BTBD9: variants seen among roughly 807,000 people sequenced by gnomAD.
BTBD9 encodes BTB domain containing 9.
A neutral mutation model predicts 64.3 loss-of-function variants in BTBD9; 49 were observed. The observed-to-expected ratio is 0.76, with a 90% CI of 0.61 to 0.97. The LOEUF is 0.97. Ranked by LOEUF, BTBD9 falls within the 50% of genes least tolerant of loss-of-function variation. BTBD9 has a pLI of 0.00. For synonymous variants in BTBD9, 260 were observed against 274.7 expected, an observed-to-expected ratio of 0.95 and a Z score of 0.53; for missense variants, 598 against 762.1, an observed-to-expected ratio of 0.78 and a Z score of 2.53.
intron 6 of BTBD9, among the ~76,000 whole-genome samples, chr6:38,450,146 T>G (rs78156361): frequency 0.063 from 9,582 of 152,168 alleles, 581 homozygotes; most frequent in African/African-American, 0.15. Flanking sequence ...TTAAGTTAAA[T>G]GAAATAAGCC....
intron 7 of BTBD9, among the ~76,000 whole-genome samples, chr6:38,343,150 C>T (rs2127588976): frequency 1.3e-5 from 2 of 152,300 alleles, no homozygotes; most frequent in East Asian, 3.9e-4. Flanking sequence ...GAGTGTTTAA[C>T]CAGACACCAA....
chr6:38,518,394 G>T (rs1292344705), intron 6 of BTBD9, among the ~76,000 whole-genome samples: 1 of 152,180 alleles, frequency 6.6e-6, no homozygotes, highest in African/African-American at 2.4e-5. Context: ...ACTGATATGC[G>T]AGTGATAATT....
At chr6:38,393,955 C>T (rs867236291) in intron 6 of BTBD9, among the ~76,000 whole-genome samples, 1 of 152,072 alleles carries the variant, frequency 6.6e-6, no homozygotes, top group African/African-American at 2.4e-5. Flanking sequence ...GATACAAAAA[C>T]GAAAAGATGA....
intron 6 of BTBD9, among the ~76,000 whole-genome samples, chr6:38,557,693 A>G (rs567252553): frequency 1.3e-5 from 2 of 151,832 alleles, no homozygotes; most frequent in Admixed American, 1.3e-4. Context: ...ACTCTGTCAG[A>G]ATCCCTTGAT....
At position 38,176,491 on chromosome 6, in the gene BTBD9, G is replaced by A. The variant is rs182707556; in HGVS notation, c.1642-1309C>T. Among the ~76,000 whole-genome samples the A allele has an allele frequency of 2.6e-5, 4 of 152,294 alleles. No individual in the cohort carries two copies. In the East Asian group the frequency reaches 7.7e-4, roughly 29 times the overall value. On this transcript the variant is annotated intron_variant, in intron 10 of 10. Transcript: ENST00000481247. ...CTCTCCTTATAGGGCAGGGGCTCAGGCACGGTCCTCGCCTCCTGCAGACCC... is the reference window on the plus strand; with the variant it reads ...CTCTCCTTATAGGGCAGGGGCTCAGACACGGTCCTCGCCTCCTGCAGACCC...
intron 1 of BTBD9, among the ~76,000 whole-genome samples, chr6:38,621,335 G>A (rs528200355): frequency 6.6e-6 from 1 of 152,322 alleles, no homozygotes; most frequent in South Asian, 2.1e-4. Flanking sequence ...CCAGAGGATG[G>A]GGAACCAATC....
chr6:38,472,228 C>T (rs1770681424), intron 6 of BTBD9, among the ~76,000 whole-genome samples: 1 of 152,124 alleles, frequency 6.6e-6, no homozygotes, highest in African/African-American at 2.4e-5. Context: ...ACACTGTTTA[C>T]ATACAGTGCA....
intron 9 of BTBD9, among the ~76,000 whole-genome samples, chr6:38,197,121 A>G (rs1043298453): frequency 6.6e-6 from 1 of 152,198 alleles, no homozygotes; most frequent in African/African-American, 2.4e-5. Flanking sequence ...TTGTCATCCT[A>G]AAAGACTTCC....
chr6:38,309,394 CAAAA>C (rs1214612196), intron 7 of BTBD9, among the ~76,000 whole-genome samples: 3 of 150,518 alleles, frequency 2.0e-5, no homozygotes, highest in East Asian at 2.0e-4. Flanking sequence ...AACAAACAAA[CAAAA>C]AAACCACGAA....
At chr6:38,222,257 G>GTTT (rs1156925177) in intron 9 of BTBD9, among the ~76,000 whole-genome samples, 154 of 114,336 alleles carry the variant, frequency 1.3e-3, no homozygotes, top group Non-Finnish European at 2.0e-3. Flanking sequence ...TCATTCAGTT[G>GTTT]TTTTTTTTTT....
intron 9 of BTBD9, among the ~76,000 whole-genome samples, chr6:38,212,654 G>T (rs1020173726): frequency 6.6e-6 from 1 of 152,174 alleles, no homozygotes; most frequent in Non-Finnish European, 1.5e-5. Context: ...GTGAGGGGAG[G>T]GAGAAAATTC....
intron 4 of BTBD9, among the ~76,000 whole-genome samples, chr6:38,591,881 G>A (rs1056007360): frequency 1.3e-5 from 2 of 152,166 alleles, no homozygotes; most frequent in Admixed American, 6.5e-5. Flanking sequence ...TATTATTATT[G>A]TTATTTAGAA....
chr6:38,233,854 A>G (rs1763691834), intron 9 of BTBD9, among the ~76,000 whole-genome samples: 1 of 152,242 alleles, frequency 6.6e-6, no homozygotes, highest in Non-Finnish European at 1.5e-5. Flanking sequence ...GTTTCTTCCA[A>G]ATGAAATCAC....
intron 6 of BTBD9, among the ~76,000 whole-genome samples, chr6:38,471,264 C>T (rs1038574013): frequency 6.6e-6 from 1 of 152,218 alleles, no homozygotes; most frequent in East Asian, 1.9e-4. Flanking sequence ...ATTTTTAAGG[C>T]ACAATAATCA....
intron 4 of BTBD9, chr6:38,588,332 C>T: frequency 1.1e-6 from 1 of 948,302 alleles, no homozygotes; most frequent in Admixed American, 1.7e-5. Context: ...ACTACCCAAA[C>T]TTTTCAGCCT....
At chr6:38,634,526 T>TGG (rs1194324910) in intron 1 of BTBD9, among the ~76,000 whole-genome samples, 1 of 152,052 alleles carries the variant, frequency 6.6e-6, no homozygotes, top group Non-Finnish European at 1.5e-5. Context: ...ACTGGAATCC[T>TGG]GGCACATATT....
At chr6:38,366,785 A>G (rs1432640544) in intron 6 of BTBD9, among the ~76,000 whole-genome samples, 1 of 152,204 alleles carries the variant, frequency 6.6e-6, no homozygotes, top group Non-Finnish European at 1.5e-5. Context: ...TTTCAGCTTT[A>G]TGGCCATTCA....
intron 9 of BTBD9, among the ~76,000 whole-genome samples, chr6:38,213,524 C>T (rs1013160055): frequency 1.3e-5 from 2 of 152,136 alleles, no homozygotes; most frequent in African/African-American, 4.8e-5. Context: ...GAGGCAGGCC[C>T]CATAAAGGCC....
intron 6 of BTBD9, among the ~76,000 whole-genome samples, chr6:38,506,583 T>C (rs977665041): frequency 2.0e-5 from 3 of 152,198 alleles, no homozygotes; most frequent in Non-Finnish European, 2.9e-5. Flanking sequence ...TTTCACATCA[T>C]TGTAACACCA....
Sources: gnomAD v4.1 joint callset for allele counts (sites outside exome capture counted in the v4.1 genomes callset) on GRCh38, gnomAD v4.1.1 for gene constraint, MANE v1.5 for transcripts, NCBI Gene and HGNC (gene_info 2026-07-23, HGNC 2026-07-21) for gene names.